The following OLFM2 variants were observed in gnomAD, a reference collection of about 807,000 sequenced individuals.
OLFM2 encodes olfactomedin 2.
OLFM2 carries 20 observed loss-of-function variants against 43.9 expected under a neutral mutation model. The observed-to-expected ratio is 0.46, with a 90% CI of 0.32 to 0.66. The LOEUF is 0.66. OLFM2 is among the 30% of genes least tolerant of loss of function. The pLI is 0.04. For missense variants in OLFM2, 416 were observed against 643.6 expected, an observed-to-expected ratio of 0.65 and a Z score of 3.83; for synonymous variants, 268 against 278.6, an observed-to-expected ratio of 0.96 and a Z score of 0.38.
At chr19:9,865,611 C>T (rs1375954019) in intron 1 of OLFM2, among the ~76,000 whole-genome samples, 2 of 149,482 alleles carry the variant, frequency 1.3e-5, no homozygotes, top group African/African-American at 4.9e-5. Flanking sequence ...CCTGCCTCAG[C>T]CTCCCAAGTA....
chr19:9,916,700 C>T (rs1411644973), intron 1 of OLFM2, among the ~76,000 whole-genome samples: 1 of 152,182 alleles, frequency 6.6e-6, no homozygotes. Flanking sequence ...TAGTTCAGCG[C>T]ATCCAGGCTT....
At chr19:9,879,940 C>A (rs570299028) in intron 1 of OLFM2, among the ~76,000 whole-genome samples, 6 of 152,088 alleles carry the variant, frequency 3.9e-5, no homozygotes, top group African/African-American at 1.2e-4. Flanking sequence ...CCATGCCTGG[C>A]TAATTTTTGT....
chr19:9,876,529 T>C (rs1050758939), intron 1 of OLFM2, among the ~76,000 whole-genome samples: 2 of 152,280 alleles, frequency 1.3e-5, no homozygotes, highest in South Asian at 4.1e-4. Flanking sequence ...CATGCGCCCC[T>C]GCGGGTGGCA....
At chr19:9,865,496 T>C (rs1355799264) in intron 1 of OLFM2, among the ~76,000 whole-genome samples, 2 of 132,906 alleles carry the variant, frequency 1.5e-5, no homozygotes, top group Non-Finnish European at 1.6e-5. Context: ...TTTTTTTTTT[T>C]TTTTTTTTTT....
intron 1 of OLFM2, among the ~76,000 whole-genome samples, chr19:9,916,554 G>A (rs549428676): frequency 1.3e-5 from 2 of 152,108 alleles, no homozygotes; most frequent in South Asian, 2.1e-4. Flanking sequence ...GGGAAGTGGG[G>A]GCCCAGGTTT....
At position 9,914,033 on chromosome 19, in the gene OLFM2, C is replaced by T. The variant is rs893898808; in HGVS notation, c.63+22271G>A. Among the ~76,000 whole-genome samples, 10 of 149,804 alleles carry T rather than the reference C, an allele frequency of 6.7e-5. 1 individual carries two copies. Among genetic ancestry groups the T allele is most frequent in the African/African-American group, 2.2e-4 (9 of 40,870 alleles). On this transcript the variant is annotated intron_variant, in intron 1 of 5. Transcript: ENST00000264833. ...CCTCCCCCTGGTGGCATTCCCCAAG[C>T]GCCCCACCACCACCGCGGTGGCATT... is the stretch of plus-strand genomic sequence containing the variant.
chr19:9,869,059 C>T (rs1156957944), intron 1 of OLFM2, among the ~76,000 whole-genome samples: 1 of 120,328 alleles, frequency 8.3e-6, no homozygotes, highest in Non-Finnish European at 1.7e-5. Flanking sequence ...CTAAGAAAAA[C>T]TCATCCCTTA....
rs557223631 is a variant in OLFM2 at position 9,899,638 on chromosome 19, G to A, written c.63+36666C>T. Among the ~76,000 whole-genome samples, 9 of 151,978 alleles carry A rather than the reference G, an allele frequency of 5.9e-5. No individual in the cohort carries two copies. The East Asian group carries it at 1.4e-3, about 23-fold the overall frequency. ...TGTAACCATGGCTCACTGCAGCCTC[G>A]ACCTCTGGGCCCCAGTGATCCTCCC... On this transcript the variant is annotated intron_variant, in intron 1 of 5. Transcript: ENST00000264833.
At chr19:9,927,222 C>G (rs2086458950) in intron 1 of OLFM2, among the ~76,000 whole-genome samples, 1 of 151,726 alleles carries the variant, frequency 6.6e-6, no homozygotes, top group South Asian at 2.1e-4. Context: ...GGGAGGGTTG[C>G]AGTGAGCTGA....
chr19:9,870,986 C>T (rs1162089530), intron 1 of OLFM2, among the ~76,000 whole-genome samples: 1 of 151,826 alleles, frequency 6.6e-6, no homozygotes, highest in East Asian at 1.9e-4. Context: ...AGTTTAAGAC[C>T]AGACCGGGCC....
intron 1 of OLFM2, among the ~76,000 whole-genome samples, chr19:9,894,672 G>A (rs1165594042): frequency 6.6e-6 from 1 of 152,024 alleles, no homozygotes; most frequent in Non-Finnish European, 1.5e-5. Flanking sequence ...TTGCACCATT[G>A]CACTCCAGCC....
rs750074363 is a variant in OLFM2 at position 9,854,428 on chromosome 19, T to C, written c.1123A>G (p.Met375Val). 2 of 1,614,160 alleles carry C rather than the reference T, an allele frequency of 1.2e-6. No homozygotes were observed. Among genetic ancestry groups the C allele is most frequent in the Admixed American group, 3.3e-5 (2 of 60,026 alleles). ...GTCACGTAGAGCACACCGCAGATCA[T>C]GAAGGCCTCGCCAGCGCTGCGCTTG... ...YPKRSAGEAFMICGVLYVTNS... is the reference protein window; with the variant it reads ...YPKRSAGEAFVICGVLYVTNS... The change falls in exon 6 of 6, where the codon ATG (methionine) becomes GTG (valine). Residue 375 changes from methionine to valine, a missense_variant. By Grantham distance (21) the Met-to-Val change is conservative. Coordinates refer to ENST00000264833, the MANE Select transcript of OLFM2 (RefSeq NM_058164.4). The surrounding 1 kb of genome is among the most constrained non-coding windows in gnomAD (Gnocchi z 9.5).
intron 1 of OLFM2, among the ~76,000 whole-genome samples, chr19:9,897,697 G>A (rs901616466): frequency 6.6e-6 from 1 of 151,960 alleles, no homozygotes; most frequent in East Asian, 1.9e-4. Context: ...GCCAGGTGGG[G>A]AATAATAATT....
chr19:9,868,848 A>G (rs572282249), intron 1 of OLFM2, among the ~76,000 whole-genome samples: 42 of 152,148 alleles, frequency 2.8e-4, no homozygotes, highest in African/African-American at 9.6e-4. Context: ...AAGTAGGAGG[A>G]TCACTTGAGC....
chr19:9,869,242 G>T (rs2046425338), intron 1 of OLFM2, among the ~76,000 whole-genome samples: 1 of 152,104 alleles, frequency 6.6e-6, no homozygotes, highest in Non-Finnish European at 1.5e-5. Context: ...TTCTCCCACA[G>T]TCCTCCCAAA....
intron 1 of OLFM2, among the ~76,000 whole-genome samples, chr19:9,882,612 G>A (rs1219402408): frequency 2.7e-5 from 4 of 150,078 alleles, no homozygotes; most frequent in Admixed American, 6.7e-5. Context: ...GTGTGAGTGG[G>A]GTAGGAATGT....
At chr19:9,909,960 A>AT (rs2046815268) in intron 1 of OLFM2, among the ~76,000 whole-genome samples, 1 of 102,834 alleles carries the variant, frequency 9.7e-6, no homozygotes, top group South Asian at 3.0e-4. Flanking sequence ...TTGGACAAAT[A>AT]TTTATTGTAG....
intron 1 of OLFM2, 91 bp from the exon 2 acceptor site, chr19:9,860,885 G>C (rs2046361562): frequency 7.3e-7 from 1 of 1,365,388 alleles, no homozygotes; most frequent in South Asian, 1.4e-5. Flanking sequence ...GGAAACCACA[G>C]ATGCCCTTTG....
intron 1 of OLFM2, among the ~76,000 whole-genome samples, chr19:9,916,610 C>T (rs1444233765): frequency 1.3e-5 from 2 of 152,164 alleles, no homozygotes; most frequent in Admixed American, 6.5e-5. Context: ...CAACTGGGCT[C>T]CAGGCCTCCT....
Sources: allele counts gnomAD v4.1 joint callset (sites outside exome capture counted in the v4.1 genomes callset), GRCh38; gene constraint gnomAD v4.1.1; non-coding constraint Gnocchi (gnomAD v3.1); transcripts MANE v1.5; gene names NCBI Gene and HGNC (gene_info 2026-07-23, HGNC 2026-07-21).